Variants in CA10 observed in about 807,000 individuals in gnomAD.
CA10 encodes the protein carbonic anhydrase 10 (inactive), also known as carbonic anhydrase-related protein 10.
Under a neutral mutation model 44.2 loss-of-function variants are expected in CA10, and 14 were observed. That is an observed-to-expected ratio of 0.32 (90% CI 0.21 to 0.50). CA10 has a LOEUF of 0.50. Among genes scored for constraint, CA10 ranks in the 20% least tolerant of loss-of-function variants. The pLI, the probability that CA10 is intolerant of heterozygous loss-of-function variation, is 0.99. For synonymous variants in CA10, 159 were observed against 141.6 expected (o/e 1.12, Z -0.87); for missense variants, 350 against 409.7 (o/e 0.85, Z 1.26).
chr17:51,736,323 C>G (rs993569242), intron 4 of CA10, among the ~76,000 whole-genome samples: 2 of 152,210 alleles, frequency 1.3e-5, no homozygotes, highest in Non-Finnish European at 2.9e-5. Context: ...CCTAGAGAGG[C>G]AGCTGCAACA....
chr17:51,742,459 G>A (rs1350719086), intron 4 of CA10, among the ~76,000 whole-genome samples: 1 of 152,092 alleles, frequency 6.6e-6, no homozygotes, highest in Non-Finnish European at 1.5e-5. Context: ...TCATACCCTA[G>A]CACACTTCAG....
chr17:51,861,779 T>C (rs1306551894), intron 3 of CA10, among the ~76,000 whole-genome samples: 2 of 152,154 alleles, frequency 1.3e-5, no homozygotes, highest in Non-Finnish European at 2.9e-5. Flanking sequence ...GTGTGAACAA[T>C]GAATACATAC....
chr17:51,960,230 A>C (rs945150039), intron 2 of CA10, among the ~76,000 whole-genome samples: 16 of 152,114 alleles, frequency 1.1e-4, no homozygotes, highest in African/African-American at 3.6e-4. Context: ...TTTATAAATA[A>C]GAGAGAAAAC....
intron 3 of CA10, among the ~76,000 whole-genome samples, chr17:51,837,140 G>C (rs1397873168): frequency 6.6e-6 from 1 of 151,880 alleles, no homozygotes; most frequent in Non-Finnish European, 1.5e-5. Flanking sequence ...AACTTGGGAA[G>C]GTCAGTGAAA....
chr17:51,973,076 A>G (rs960410523), intron 2 of CA10, among the ~76,000 whole-genome samples: 3 of 152,226 alleles, frequency 2.0e-5, no homozygotes, highest in South Asian at 2.1e-4. Context: ...AATTAGCATC[A>G]CCAATTTCAG....
rs77879350 is a variant in CA10, at chr17:51,766,292, A to T, written c.280-18474T>A. Among the ~76,000 whole-genome samples, 247 of 152,322 alleles carry T rather than the reference A, an allele frequency of 1.6e-3. 4 individuals are homozygous for T. The East Asian group carries it at 0.042, about 26-fold the overall frequency. On this transcript the variant is annotated intron_variant, in intron 3 of 8. Transcript: ENST00000451037. Reference sequence around the variant, plus strand: ...TATTTGGTTTTAAAGTTAGAAGTGGATGAAAATGAATTCCACAAGTCTCCA... The same window carrying T: ...TATTTGGTTTTAAAGTTAGAAGTGGTTGAAAATGAATTCCACAAGTCTCCA...
intron 3 of CA10, among the ~76,000 whole-genome samples, chr17:51,843,286 C>A (rs1598076328): frequency 6.6e-6 from 1 of 152,134 alleles, no homozygotes; most frequent in African/African-American, 2.4e-5. Context: ...CACGGCTGGG[C>A]CTCTAATGTT....
intron 4 of CA10, among the ~76,000 whole-genome samples, chr17:51,710,850 C>T (rs1852283): frequency 0.014 from 2,192 of 151,676 alleles, 26 homozygotes; most frequent in Non-Finnish European, 0.024. Context: ...CTTCTGGCCT[C>T]CTGAAGTTCA....
chr17:51,826,599 T>G (rs1340483606), intron 3 of CA10, among the ~76,000 whole-genome samples: 2 of 151,988 alleles, frequency 1.3e-5, no homozygotes, highest in Non-Finnish European at 2.9e-5. Context: ...ACATTCAGAG[T>G]TACCCCTAGC....
intron 2 of CA10, among the ~76,000 whole-genome samples, chr17:52,066,625 C>T (rs1254317647): frequency 6.6e-6 from 1 of 152,200 alleles, no homozygotes; most frequent in Non-Finnish European, 1.5e-5. Context: ...GAGACCTTCT[C>T]AGTCATGTGG....
At chr17:52,079,924 C>T (rs1252388732) in intron 1 of CA10, among the ~76,000 whole-genome samples, 1 of 152,190 alleles carries the variant, frequency 6.6e-6, no homozygotes, top group Non-Finnish European at 1.5e-5. Flanking sequence ...GAAAACCCCA[C>T]TTGCCATACA....
intron 3 of CA10, among the ~76,000 whole-genome samples, chr17:51,911,371 A>T (rs1052431564): frequency 1.3e-5 from 2 of 152,192 alleles, no homozygotes; most frequent in African/African-American, 4.8e-5. Context: ...GTGCAGACTA[A>T]GTGAGAGAAT....
At chr17:51,788,734 C>T (rs547679622) in intron 3 of CA10, among the ~76,000 whole-genome samples, 11 of 152,298 alleles carry the variant, frequency 7.2e-5, no homozygotes, top group Middle Eastern at 3.4e-3. Flanking sequence ...TCTTAGAAGG[C>T]AAAAGCAGCA....
chr17:51,961,860 G>A (rs770831986), intron 2 of CA10, among the ~76,000 whole-genome samples: 17 of 151,926 alleles, frequency 1.1e-4, no homozygotes, highest in Admixed American at 2.0e-4. Flanking sequence ...GCAGATCTCC[G>A]GGCATTCAAA....
At chr17:51,982,953 A>C (rs1984700924) in intron 2 of CA10, among the ~76,000 whole-genome samples, 1 of 151,898 alleles carries the variant, frequency 6.6e-6, no homozygotes, top group African/African-American at 2.4e-5. Context: ...CAACTTTATA[A>C]AGATAATTTC....
At chr17:51,988,950 C>T (rs1428216638) in intron 2 of CA10, among the ~76,000 whole-genome samples, 1 of 151,832 alleles carries the variant, frequency 6.6e-6, no homozygotes, top group East Asian at 1.9e-4. Flanking sequence ...CCTGTGTGTA[C>T]TTCACACTTA....
intron 3 of CA10, among the ~76,000 whole-genome samples, chr17:51,887,971 G>T (rs1980687359): frequency 6.6e-6 from 1 of 152,118 alleles, no homozygotes; most frequent in African/African-American, 2.4e-5. Context: ...GTTGCAGTAA[G>T]CCGAGATTGC....
In CA10 at chr17:51,649,243, T is replaced by G; in HGVS notation, c.573A>C (p.Ser191=). 5 of 1,612,260 alleles carry G rather than the reference T, an allele frequency of 3.1e-6. No individual in the cohort carries two copies. Among genetic ancestry groups the G allele is most frequent in the Non-Finnish European group, 4.2e-6 (5 of 1,178,318 alleles). ...GCATTCGATTAAGAAATGGGTTTGA[T>G]GAATCAGAAACCTGGAGGAGAAAAG... The part of the protein sequence containing the change: ...VVSIFIKVSD[S]SNPFLNRMLN... The change falls in exon 6 of 9, where the codon TCA becomes TCC. Residue 191 remains serine, a synonymous_variant. Coordinates refer to ENST00000451037, the MANE Select transcript of CA10 (RefSeq NM_020178.5).
intron 4 of CA10, among the ~76,000 whole-genome samples, chr17:51,731,822 C>A (rs980803587): frequency 6.6e-6 from 1 of 151,998 alleles, no homozygotes; most frequent in African/African-American, 2.4e-5. Context: ...GGATTACAGA[C>A]ACCCACCACC....
Sources: allele counts gnomAD v4.1 joint callset (sites outside exome capture counted in the v4.1 genomes callset), GRCh38; gene constraint gnomAD v4.1.1; transcripts MANE v1.5; gene names NCBI Gene and HGNC (gene_info 2026-07-23, HGNC 2026-07-21).